The following FAM135B variants were observed in gnomAD, a reference collection of about 807,000 sequenced individuals.
FAM135B encodes the protein protein FAM135B.
Under a neutral mutation model 127.7 loss-of-function variants are expected in FAM135B, and 43 were observed. That is an observed-to-expected ratio of 0.34 (90% CI 0.26 to 0.43). The LOEUF is 0.43. Among genes scored for constraint, FAM135B ranks in the 20% least tolerant of loss-of-function variants. FAM135B has a pLI of 1.00. For missense variants in FAM135B, 1,558 were observed against 1,725.6 expected (o/e 0.90, Z 1.72); for synonymous variants, 670 against 665.1 (o/e 1.01, Z -0.11).
rs1564005402 is a variant in FAM135B at position 138,442,236 on chromosome 8, C to CTATATATA, written c.-20+54434_-20+54435insTATATATA. 6.9e-3 allele frequency among the ~76,000 whole-genome samples: 91 copies of CTATATATA among 13,112 alleles called. 7 individuals carry two copies. The highest frequency in any genetic ancestry group is 8.3e-3 in the South Asian group (2 of 242). 8.6% of individuals were successfully genotyped at this position (13,112 alleles called of 152,430 possible). ...AAATTTAACGTGAAGAATATGGACA[C>CTATATATA]CATATATATATATATATATATATAT... On this transcript the variant is annotated intron_variant, in intron 1 of 19. Coordinates refer to ENST00000395297, the MANE Select transcript of FAM135B (RefSeq NM_015912.4).
intron 1 of FAM135B, among the ~76,000 whole-genome samples, chr8:138,475,398 T>A (rs556060295): frequency 6.6e-6 from 1 of 152,224 alleles, no homozygotes; most frequent in South Asian, 2.1e-4. Context: ...AACCCAGACG[T>A]CGCCCAAAGC....
chr8:138,371,221 T>C (rs540893646), intron 1 of FAM135B, among the ~76,000 whole-genome samples: 1 of 152,288 alleles, frequency 6.6e-6, no homozygotes, highest in African/African-American at 2.4e-5. Context: ...TATAAAAGTG[T>C]CTTCATGATC....
At chr8:138,472,213 T>G (rs1837716609) in intron 1 of FAM135B, among the ~76,000 whole-genome samples, 1 of 151,948 alleles carries the variant, frequency 6.6e-6, no homozygotes, top group African/African-American at 2.4e-5. Context: ...AGAGAGAAAT[T>G]TCTACAATAT....
chr8:138,240,724 A>G (rs560830651), intron 7 of FAM135B, among the ~76,000 whole-genome samples: 15 of 152,296 alleles, frequency 9.8e-5, no homozygotes, highest in African/African-American at 3.6e-4. Context: ...GAGTACTTTC[A>G]TATTAGTGGT....
At chr8:138,484,137 G>T (rs1355835570) in intron 1 of FAM135B, among the ~76,000 whole-genome samples, 1 of 152,130 alleles carries the variant, frequency 6.6e-6, no homozygotes, top group African/African-American at 2.4e-5. Context: ...GCCTAAGCAG[G>T]ATTCTAATTC....
rs2130488526 is a variant in FAM135B, at chr8:138,250,977, G to A, written c.406C>T (p.Arg136Ter). The change falls in exon 6 of 20, where the codon CGA becomes TGA. Residue 136 changes from arginine (R) to a stop codon, truncating the protein, a stop_gained. Coordinates refer to ENST00000395297, the MANE Select transcript of FAM135B (RefSeq NM_015912.4). LOFTEE classifies it high-confidence loss of function. ...GGGTGGAAGTGCAGGCCAAGCGTTC[G>A]GCTGCTGACCATCGGTGCCCCAGCC... is the stretch of plus-strand genomic sequence containing the variant. ...DVAGAPMVSS[R>*]TLGLHFHPRN... 4 of 1,613,926 alleles carry A rather than the reference G, an allele frequency of 2.5e-6. No individual in the cohort carries two copies. The highest frequency in any genetic ancestry group is 3.4e-6 in the Non-Finnish European group (4 of 1,180,012).
intron 3 of FAM135B, among the ~76,000 whole-genome samples, chr8:138,301,784 A>C (rs1825904580): frequency 6.6e-6 from 1 of 152,250 alleles, no homozygotes; most frequent in Non-Finnish European, 1.5e-5. Flanking sequence ...GGATGACTCC[A>C]AATAGATGCA....
intron 1 of FAM135B, among the ~76,000 whole-genome samples, chr8:138,421,475 C>A (rs35600800): frequency 0.068 from 10,382 of 152,172 alleles, 796 homozygotes; most frequent in East Asian, 0.25. Flanking sequence ...ACAAAATCAG[C>A]ATTTCTATAC....
intron 1 of FAM135B, among the ~76,000 whole-genome samples, chr8:138,484,761 G>T (rs986189893): frequency 6.6e-6 from 1 of 152,060 alleles, no homozygotes; most frequent in South Asian, 2.1e-4. Flanking sequence ...AAAGAAACCT[G>T]GGAGAATCTC....
At chr8:138,304,111 G>A (rs888765867) in intron 3 of FAM135B, among the ~76,000 whole-genome samples, 1 of 151,944 alleles carries the variant, frequency 6.6e-6, no homozygotes, top group Admixed American at 6.6e-5. Context: ...AGGAAGACAG[G>A]CCTGGGTACA....
intron 4 of FAM135B, among the ~76,000 whole-genome samples, chr8:138,265,236 T>G (rs1206142139): frequency 6.6e-6 from 1 of 152,200 alleles, no homozygotes; most frequent in African/African-American, 2.4e-5. Context: ...AGATCATTTC[T>G]CACATCACCT....
At chr8:138,478,346 T>C (rs953870219) in intron 1 of FAM135B, among the ~76,000 whole-genome samples, 2 of 152,120 alleles carry the variant, frequency 1.3e-5, no homozygotes, top group Non-Finnish European at 2.9e-5. Context: ...TTTTTCCCCA[T>C]GAGCTTCACC....
intron 1 of FAM135B, among the ~76,000 whole-genome samples, chr8:138,401,130 C>A (rs900986084): frequency 6.6e-6 from 1 of 152,276 alleles, no homozygotes; most frequent in Admixed American, 6.5e-5. Context: ...AGCTTCCATG[C>A]TCAACCAAGT....
chr8:138,427,290 T>A (rs958810220), intron 1 of FAM135B, among the ~76,000 whole-genome samples: 2 of 149,610 alleles, frequency 1.3e-5, no homozygotes, highest in African/African-American at 2.4e-5. Context: ...TATATATATA[T>A]AATATTTATG....
intron 1 of FAM135B, among the ~76,000 whole-genome samples, chr8:138,455,985 T>C (rs1836755023): frequency 6.6e-6 from 1 of 152,212 alleles, no homozygotes; most frequent in Non-Finnish European, 1.5e-5. Context: ...AGAGCCTCAA[T>C]TTCTGTCTCT....
At chr8:138,401,340 T>C (rs770145995) in intron 1 of FAM135B, among the ~76,000 whole-genome samples, 13 of 152,236 alleles carry the variant, frequency 8.5e-5, no homozygotes, top group Non-Finnish European at 1.5e-4. Context: ...TCTAAGCTGA[T>C]CTACCATCAC....
intron 7 of FAM135B, among the ~76,000 whole-genome samples, chr8:138,229,216 T>G (rs1361388287): frequency 1.3e-5 from 2 of 152,168 alleles, no homozygotes; most frequent in African/African-American, 2.4e-5. Flanking sequence ...GCCCCTGCTG[T>G]GTCCTACTCT....
intron 1 of FAM135B, among the ~76,000 whole-genome samples, chr8:138,411,567 T>C (rs1216852200): frequency 6.6e-6 from 1 of 152,160 alleles, no homozygotes; most frequent in Admixed American, 6.5e-5. Context: ...ATTCAGGACA[T>C]AGGCATGGGT....
At chr8:138,187,854 C>T (rs906823687) in intron 9 of FAM135B, among the ~76,000 whole-genome samples, 2 of 152,282 alleles carry the variant, frequency 1.3e-5, no homozygotes, top group Admixed American at 6.5e-5. Context: ...ACTTTGAGCC[C>T]GGCCCCGATC....
Sources: allele counts gnomAD v4.1 joint callset (sites outside exome capture counted in the v4.1 genomes callset), GRCh38; gene constraint gnomAD v4.1.1; transcripts MANE v1.5; gene names NCBI Gene and HGNC (gene_info 2026-07-23, HGNC 2026-07-21).